The following TMEM164 variants were observed in gnomAD, a reference collection of about 807,000 sequenced individuals.
TMEM164 encodes the protein RP13-360B22.2.
In TMEM164, 4 loss-of-function variants were observed where a neutral mutation model predicts 18.8. The ratio of observed to expected loss-of-function variants is 0.21; its 90% CI spans 0.10 to 0.49. TMEM164 has a LOEUF of 0.49. Among genes scored for constraint, TMEM164 ranks in the 20% least tolerant of loss-of-function variants. TMEM164 has a pLI of 0.98. For missense variants in TMEM164, 108 were observed against 239.9 expected, an observed-to-expected ratio of 0.45 and a Z score of 3.63; for synonymous variants, 86 against 101.7, an observed-to-expected ratio of 0.85 and a Z score of 0.93.
chrX:110,086,416 A>C (rs2065851963), intron 3 of TMEM164, among the ~76,000 whole-genome samples: 1 of 111,199 alleles, frequency 9.0e-6, no homozygotes, highest in Non-Finnish European at 1.9e-5. Flanking sequence ...AGAAAAATGC[A>C]AACAAATTAG....
Position 110,171,514 on chromosome X carries a change from C to T in TMEM164, c.681C>T (p.Leu227=), listed in dbSNP as rs780750439. 10 of 1,202,697 alleles carry T rather than the reference C, an allele frequency of 8.3e-6. No homozygotes were observed. The highest frequency in any genetic ancestry group is 4.4e-5 in the Admixed American group (2 of 45,794). ...ATCACTTCAGCGTCTTGCAGATCCT[C>T]GGCCTGGTAAGTTTGGTTATATCCC... ...FFYHFSVLQI[L]GLVTEVNLNN... is the part of the protein sequence containing the mutation. Residue 227 remains leucine (L), a synonymous_variant, in exon 6 of 7, where the codon CTC becomes CTT. Transcript: ENST00000372068.
At chrX:110,062,431 A>T (rs980554194) in intron 2 of TMEM164, among the ~76,000 whole-genome samples, 3 of 111,971 alleles carry the variant, frequency 2.7e-5, no homozygotes, top group African/African-American at 9.7e-5. Flanking sequence ...GTCAGGTTGC[A>T]GCAGAAAACA....
chrX:110,062,317 A>G (rs1602553013), intron 2 of TMEM164, among the ~76,000 whole-genome samples: 2 of 112,096 alleles, frequency 1.8e-5, no homozygotes, highest in South Asian at 7.3e-4. Context: ...TACCTGTTAG[A>G]AAATAGTTTA....
intron 3 of TMEM164, among the ~76,000 whole-genome samples, chrX:110,072,219 T>C (rs1427847007): frequency 9.7e-6 from 1 of 103,503 alleles, no homozygotes; most frequent in Non-Finnish European, 1.9e-5. Flanking sequence ...GAGAATCACT[T>C]GAACTTGGGA....
At chrX:110,062,195 A>G (rs188888130) in intron 2 of TMEM164, among the ~76,000 whole-genome samples, 1 of 112,518 alleles carries the variant, frequency 8.9e-6, no homozygotes, top group Admixed American at 9.4e-5. Flanking sequence ...ATTAGCTGTC[A>G]TTAATATATA....
At chrX:110,165,889 C>T (rs1168288027) in intron 5 of TMEM164, among the ~76,000 whole-genome samples, 1 of 112,742 alleles carries the variant, frequency 8.9e-6, no homozygotes, top group Non-Finnish European at 1.9e-5. Context: ...TCTTGTCCCT[C>T]TCCAGTCCAT....
chrX:110,020,402 G>A, intron 2 of TMEM164: 1 of 754,495 alleles, frequency 1.3e-6, no homozygotes, highest in Non-Finnish European at 1.6e-6. Context: ...AAGATGTGGT[G>A]AAGGCTAGAA....
chrX:110,005,852 G>A (rs1932673235), intron 2 of TMEM164, among the ~76,000 whole-genome samples: 2 of 111,617 alleles, frequency 1.8e-5, no homozygotes, highest in South Asian at 7.6e-4. Context: ...AGGGTCAAAG[G>A]GTGCATCTTC....
intron 2 of TMEM164, among the ~76,000 whole-genome samples, chrX:110,017,405 C>CCTTTCTTTCTTTCTTTCTTTCTTTCTTT (rs1555984532): frequency 4.6e-4 from 7 of 15,286 alleles, no homozygotes; most frequent in African/African-American, 7.8e-4. Flanking sequence ...CCACCTCCTT[C>CCTTTCTTTCTTTCTTTCTTTCTTTCTTT]CTTTCTTTCT....
At chrX:110,060,266 GAAAAAAAAAAA>G (rs140796343) in intron 2 of TMEM164, among the ~76,000 whole-genome samples, 1 of 51,505 alleles carries the variant, frequency 1.9e-5, no homozygotes, top group African/African-American at 8.2e-5. Flanking sequence ...GACCCTGTCT[GAAAAAAAAAAA>G]AAAAAAAGAA....
downstream of TMEM164, among the ~76,000 whole-genome samples, chrX:110,180,712 G>C (rs927986792): frequency 2.7e-5 from 3 of 111,578 alleles, no homozygotes; most frequent in African/African-American, 9.8e-5. Context: ...TCTTTGCAGT[G>C]GGGGTGGATG....
intron 5 of TMEM164, among the ~76,000 whole-genome samples, chrX:110,170,198 T>C (rs1192958391): frequency 4.4e-5 from 5 of 112,581 alleles, no homozygotes; most frequent in Admixed American, 9.3e-5. Context: ...TTAAGTCCTA[T>C]TTGTCCTTCT....
At chrX:110,070,427 T>C (rs1298869843) in intron 3 of TMEM164, among the ~76,000 whole-genome samples, 1 of 112,439 alleles carries the variant, frequency 8.9e-6, no homozygotes, top group East Asian at 2.8e-4. Flanking sequence ...GAATTCTAAT[T>C]AGAATTGCCT....
Position 110,004,018 on chromosome X carries a change from C to T in TMEM164, c.244C>T (p.Arg82Trp). The T allele has an allele frequency of 8.3e-7, 1 of 1,211,394 alleles. No individual in the cohort carries two copies. The highest frequency in any genetic ancestry group is 3.0e-5 in the East Asian group (1 of 33,810). The stretch of plus-strand genomic sequence containing the variant: ...CAGCCAGCCAGAGCAGGTGACCCAG[C>T]GGCCAGAGGAAGGCAAGGAGAGCCT... ...PGSQPEQVTQRPEEGKESLSK... is the reference protein window; with the variant it reads ...PGSQPEQVTQWPEEGKESLSK... The change falls in exon 2 of 7, where the codon CGG (arginine) becomes TGG (tryptophan). Residue 82 changes from arginine to tryptophan, a missense_variant. Physicochemically the swap from Arg to Trp is moderately radical, Grantham distance 101 (BLOSUM62 -3). Transcript: ENST00000372068.
intron 2 of TMEM164, among the ~76,000 whole-genome samples, chrX:110,054,714 G>A (rs943129186): frequency 2.7e-5 from 3 of 111,577 alleles, no homozygotes; most frequent in African/African-American, 6.5e-5. Context: ...GAGTTGACAC[G>A]GGTCCTAACT....
intron 5 of TMEM164, among the ~76,000 whole-genome samples, chrX:110,145,829 T>C (rs2066845657): frequency 8.9e-6 from 1 of 111,904 alleles, no homozygotes; most frequent in Non-Finnish European, 1.9e-5. Flanking sequence ...TCTTAAGATC[T>C]GGTGTGAGAT....
intron 3 of TMEM164, among the ~76,000 whole-genome samples, chrX:110,100,041 G>T (rs772808855): frequency 1.8e-5 from 2 of 111,949 alleles, no homozygotes; most frequent in Non-Finnish European, 3.8e-5. Flanking sequence ...TGTTGACTTC[G>T]CATCCTGTGA....
chrX:110,157,365 G>C (rs2067031209), intron 5 of TMEM164, among the ~76,000 whole-genome samples: 1 of 111,687 alleles, frequency 9.0e-6, no homozygotes, highest in African/African-American at 3.3e-5. Flanking sequence ...GGAATTACAG[G>C]GAAGAAGTTA....
At chrX:110,044,593 CTTTTTTTTTTT>C (rs56400284) in intron 2 of TMEM164, among the ~76,000 whole-genome samples, 5 of 35,958 alleles carry the variant, frequency 1.4e-4, no homozygotes, top group Middle Eastern at 0.043. Flanking sequence ...CCATTCCTTG[CTTTTTTTTTTT>C]TTTTTTTTTT....
Sources: gnomAD v4.1 joint callset for allele counts (sites outside exome capture counted in the v4.1 genomes callset) on GRCh38, gnomAD v4.1.1 for gene constraint, MANE v1.5 for transcripts, NCBI Gene and HGNC (gene_info 2026-07-23, HGNC 2026-07-21) for gene names.